CNBD1: variants seen among roughly 807,000 people sequenced by gnomAD.
CNBD1 encodes the protein cyclic nucleotide-binding domain-containing protein 1.
In CNBD1, 71 loss-of-function variants were observed where a neutral mutation model predicts 54.4. That is an observed-to-expected ratio of 1.30 (90% confidence interval 1.08 to 1.59). The LOEUF (loss-of-function observed/expected upper bound fraction) is 1.59. Ranked by LOEUF, CNBD1 falls within the 40% of genes most tolerant of loss-of-function variation. The pLI is 0.00. For synonymous variants in CNBD1, 182 were observed against 170.7 expected (o/e 1.07, Z -0.51); for missense variants, 659 against 518.0 (o/e 1.27, Z -2.64).
intron 4 of CNBD1, among the ~76,000 whole-genome samples, chr8:87,064,616 G>A (rs1182167177): frequency 6.6e-6 from 1 of 151,392 alleles, no homozygotes; most frequent in African/African-American, 2.4e-5. Context: ...AATTTTATTT[G>A]TCTGAAGGAG....
chr8:87,259,982 G>A (rs748535963), intron 6 of CNBD1, among the ~76,000 whole-genome samples: 15 of 152,206 alleles, frequency 9.9e-5, no homozygotes, highest in East Asian at 1.9e-4. Flanking sequence ...AAGACAGTCC[G>A]TGGACAAGAA....
chr8:87,413,920 G>T (rs1807794436), intron 2 of CNBD1, among the ~76,000 whole-genome samples: 2 of 151,246 alleles, frequency 1.3e-5, no homozygotes, highest in South Asian at 4.2e-4. Flanking sequence ...TTACACTGTT[G>T]GTGGGACTGT....
chr8:86,949,633 T>C (rs1478601259), intron 4 of CNBD1, among the ~76,000 whole-genome samples: 2 of 152,150 alleles, frequency 1.3e-5, no homozygotes, highest in African/African-American at 4.8e-5. Flanking sequence ...TCTTTAGGTT[T>C]TTCCAAATAT....
At chr8:87,337,798 C>T (rs1809978769) in intron 8 of CNBD1, among the ~76,000 whole-genome samples, 1 of 152,176 alleles carries the variant, frequency 6.6e-6, no homozygotes, top group Admixed American at 6.5e-5. Context: ...TGCCAGCCAC[C>T]TAGTCAGTTC....
At chr8:87,345,398 A>T (rs562552847) in intron 8 of CNBD1, among the ~76,000 whole-genome samples, 2 of 152,216 alleles carry the variant, frequency 1.3e-5, no homozygotes, top group African/African-American at 4.8e-5. Context: ...ACTGCTATCT[A>T]AATTCTTTTT....
rs562688117 is a variant in CNBD1 at position 87,309,102 on chromosome 8, TAGTC to T, written c.1042+22435_1042+22438del. Among the ~76,000 whole-genome samples the T allele has an allele frequency of 8.3e-4, 126 of 152,250 alleles. 1 individual carries two copies. Among genetic ancestry groups the T allele is most frequent in the African/African-American group, 2.9e-3 (119 of 41,556 alleles). On this transcript the variant is annotated intron_variant, in intron 8 of 10. Transcript: ENST00000518476. ...GCTGATTTTCGTTCTTTTGGGTAAGTAGTCAGTAATAGGATTGCTGGATCATGTG... is the reference window on the plus strand; with the variant it reads ...GCTGATTTTCGTTCTTTTGGGTAAGTAGTAATAGGATTGCTGGATCATGTG...
chr8:87,055,433 TC>T (rs146345882), intron 4 of CNBD1, among the ~76,000 whole-genome samples: 1 of 151,622 alleles, frequency 6.6e-6, no homozygotes, highest in South Asian at 2.1e-4. Flanking sequence ...TTTAGGTAAG[TC>T]CCCCCCTTCC....
chr8:87,241,033 A>G (rs900370527), intron 6 of CNBD1, among the ~76,000 whole-genome samples: 1 of 151,886 alleles, frequency 6.6e-6, no homozygotes, highest in Non-Finnish European at 1.5e-5. Context: ...CTGTGTCCTC[A>G]CTCTGAGCCC....
At chr8:87,382,992 AT>A, downstream of CNBD1, 1 of 165,446 alleles carries the variant, frequency 6.0e-6, no homozygotes. Flanking sequence ...TCAAGTTGTC[AT>A]TTTTGACTGT....
chr8:87,341,518 G>A (rs763232209), intron 8 of CNBD1, among the ~76,000 whole-genome samples: 2 of 152,132 alleles, frequency 1.3e-5, no homozygotes, highest in South Asian at 2.1e-4. Context: ...GCTATGGTTT[G>A]AATCTTTGCC....
At chr8:86,875,955 C>A (rs1808514410) in intron 1 of CNBD1, among the ~76,000 whole-genome samples, 1 of 151,828 alleles carries the variant, frequency 6.6e-6, no homozygotes, top group Non-Finnish European at 1.5e-5. Context: ...GGCACTATAC[C>A]CTCGTATATA....
intron 4 of CNBD1, among the ~76,000 whole-genome samples, chr8:87,150,061 C>A (rs937314106): frequency 6.6e-6 from 1 of 152,056 alleles, no homozygotes; most frequent in Admixed American, 6.5e-5. Flanking sequence ...CCTGTAGTCC[C>A]AGCTACTGGG....
chr8:87,003,883 C>A (rs1477343839), intron 4 of CNBD1, among the ~76,000 whole-genome samples: 5 of 152,140 alleles, frequency 3.3e-5, no homozygotes, highest in African/African-American at 1.2e-4. Flanking sequence ...CAGAAATACT[C>A]TGGATTCTCC....
At chr8:87,353,264 G>A (rs970051420) in intron 9 of CNBD1, among the ~76,000 whole-genome samples, 3 of 152,132 alleles carry the variant, frequency 2.0e-5, no homozygotes, top group Non-Finnish European at 4.4e-5. Flanking sequence ...CAACAAGAGT[G>A]CCTTGTGACT....
chr8:86,920,392 T>G (rs1809252449), intron 3 of CNBD1, among the ~76,000 whole-genome samples: 1 of 152,170 alleles, frequency 6.6e-6, no homozygotes, highest in African/African-American at 2.4e-5. Flanking sequence ...CTTAACCAGG[T>G]AATGGTAGTA....
At chr8:86,929,676 A>C (rs1809423852) in intron 3 of CNBD1, among the ~76,000 whole-genome samples, 1 of 152,200 alleles carries the variant, frequency 6.6e-6, no homozygotes, top group South Asian at 2.1e-4. Context: ...CTCAAGGAGT[A>C]GTGCTTGGTA....
At chr8:87,418,612 A>T (rs991272693) in intron 2 of CNBD1, among the ~76,000 whole-genome samples, 17 of 151,986 alleles carry the variant, frequency 1.1e-4, no homozygotes, top group Non-Finnish European at 5.9e-5. Context: ...AATCACATAT[A>T]TGATTAGGAT....
intron 3 of CNBD1, among the ~76,000 whole-genome samples, chr8:86,925,017 C>T (rs1007467364): frequency 2.0e-5 from 3 of 152,030 alleles, no homozygotes; most frequent in South Asian, 2.1e-4. Context: ...TAGTAGAAAC[C>T]GGGGAAATAT....
At chr8:87,234,059 A>T (rs145616406) in intron 5 of CNBD1, among the ~76,000 whole-genome samples, 2 of 152,164 alleles carry the variant, frequency 1.3e-5, no homozygotes, top group Non-Finnish European at 2.9e-5. Context: ...GCAACTCCTT[A>T]TTTGGTTTAA....
Sources: allele counts gnomAD v4.1 joint callset (sites outside exome capture counted in the v4.1 genomes callset), GRCh38; gene constraint gnomAD v4.1.1; transcripts MANE v1.5; gene names NCBI Gene and HGNC (gene_info 2026-07-23, HGNC 2026-07-21).